The following SERPINB7 variants were observed in gnomAD, a reference collection of about 807,000 sequenced individuals.
SERPINB7 encodes the protein serpin family B member 7, also known as serpin B7.
In SERPINB7, 31 loss-of-function variants were observed where a neutral mutation model predicts 37.4. That is an observed-to-expected ratio of 0.83 (90% CI 0.62 to 1.12). The LOEUF is 1.12. Among genes scored for constraint, SERPINB7 ranks in the 50% most tolerant of loss-of-function variants. SERPINB7 has a pLI of 0.00. For missense variants in SERPINB7, 521 were observed against 455.3 expected (o/e 1.14, Z -1.31); for synonymous variants, 163 against 166.1 (o/e 0.98, Z 0.14).
At chr18:63,783,588 C>A (rs543232228) in intron 2 of SERPINB7, among the ~76,000 whole-genome samples, 31 of 152,306 alleles carry the variant, frequency 2.0e-4, no homozygotes, top group African/African-American at 7.5e-4. Flanking sequence ...TCAGGGAGTG[C>A]TTATTAACAC....
upstream of SERPINB7, among the ~76,000 whole-genome samples, chr18:63,772,152 CTT>C: frequency 6.6e-6 from 1 of 152,080 alleles, no homozygotes; most frequent in Middle Eastern, 3.4e-3. Context: ...ACAACACAAA[CTT>C]TCTGAGTCCT....
chr18:63,754,963 A>G (rs1359324484), intron 1 of SERPINB7, among the ~76,000 whole-genome samples: 2 of 134,416 alleles, frequency 1.5e-5, no homozygotes, highest in African/African-American at 5.7e-5. Flanking sequence ...GCAGTGGCGC[A>G]ATCTCGGCTC....
rs74169985 is a variant in SERPINB7, at chr18:63,756,804, T to TTGTGTGTGTGTGTG, written c.-19+3712_-19+3725dup. Among the ~76,000 whole-genome samples the TTGTGTGTGTGTGTG allele has an allele frequency of 5.5e-4, 75 of 137,346 alleles. 1 individual carries two copies. The highest frequency in any genetic ancestry group is 7.9e-4 in the South Asian group (3 of 3,802). The allele number at this position is 137,346 out of a possible 152,430, so 90.1% of individuals were successfully genotyped here. A position where few individuals can be genotyped will look rare whatever the true frequency, so the allele number is the denominator to read the frequency against. On this transcript the variant is annotated intron_variant, in intron 1 of 7. Transcript: ENST00000336429. ...GTTGTTTCCAGGGTCTTGGGGTAGC[T>TTGTGTGTGTGTGTG]TGTGTGTGTGTGTGTGTGTGTGTGT... is the stretch of plus-strand genomic sequence containing the variant.
chr18:63,765,984 C>T (rs1052132057), intron 1 of SERPINB7, among the ~76,000 whole-genome samples: 1 of 152,050 alleles, frequency 6.6e-6, no homozygotes, highest in African/African-American at 2.4e-5. Flanking sequence ...TCTGTAATAC[C>T]TTTGTTCTTT....
intron 5 of SERPINB7, among the ~76,000 whole-genome samples, chr18:63,798,359 T>A (rs1442340326): frequency 6.6e-6 from 1 of 152,098 alleles, no homozygotes; most frequent in Non-Finnish European, 1.5e-5. Context: ...CTTAGCTTCC[T>A]CAACAGGAAA....
chr18:63,804,331 A>T lies in SERPINB7; in HGVS notation c.839A>T (p.Lys280Met). The T allele has an allele frequency of 3.7e-6, 6 of 1,613,576 alleles. No individual in the cohort carries two copies. The highest frequency in any genetic ancestry group is 5.1e-6 in the Non-Finnish European group (6 of 1,179,678). ...GTTGAGGTATTTTTTCCTCAGTTCA[A>T]GATAGAGAAGAATTATGAAATGAAA... ...KYVEVFFPQF[K>M]IEKNYEMKQY... Residue 280 changes from lysine (K) to methionine (M), a missense_variant, in exon 8 of 8, where the codon AAG (lysine) becomes ATG (methionine). Transcript: ENST00000398019.
intron 1 of SERPINB7, among the ~76,000 whole-genome samples, chr18:63,763,143 G>T (rs2049163315): frequency 6.6e-6 from 1 of 152,106 alleles, no homozygotes; most frequent in South Asian, 2.1e-4. Context: ...CACCATTGCT[G>T]ATATCATATG....
intron 2 of SERPINB7, among the ~76,000 whole-genome samples, chr18:63,782,880 T>C (rs1381984006): frequency 6.6e-6 from 1 of 152,080 alleles, no homozygotes; most frequent in African/African-American, 2.4e-5. Flanking sequence ...GGCTCATGCC[T>C]GTAATCCCAG....
At chr18:63,763,254 T>G (rs996581294) in intron 1 of SERPINB7, among the ~76,000 whole-genome samples, 4 of 152,322 alleles carry the variant, frequency 2.6e-5, no homozygotes, top group African/African-American at 9.6e-5. Flanking sequence ...GTGCTTCAAC[T>G]TTCCTGCTAC....
At chr18:63,799,004 G>A (rs1465439548) in intron 6 of SERPINB7, among the ~76,000 whole-genome samples, 3 of 152,144 alleles carry the variant, frequency 2.0e-5, no homozygotes, top group Non-Finnish European at 4.4e-5. Context: ...GAAGTGGTAT[G>A]AATGTATCTT....
chr18:63,781,095 T>C lies in SERPINB7; in HGVS notation c.-18-1260T>C, dbSNP rs201042011. ...ATTTACAATTTTAAAAGGCCTTAAG[T>C]ATTTGCAACTGTGACAAAGCCAACA... On this transcript the variant is annotated intron_variant, in intron 1 of 7. Coordinates refer to ENST00000398019, the MANE Select transcript of SERPINB7 (RefSeq NM_003784.4). Among the ~76,000 whole-genome samples the C allele has an allele frequency of 5.3e-5, 8 of 152,326 alleles. No individual in the cohort carries two copies. The East Asian group carries it at 1.5e-3, about 29-fold the overall frequency.
intron 4 of SERPINB7, among the ~76,000 whole-genome samples, chr18:63,795,260 T>C (rs2144636033): frequency 6.6e-6 from 1 of 152,136 alleles, no homozygotes; most frequent in Admixed American, 6.5e-5. Flanking sequence ...ATAAACAGAC[T>C]GTTAGGAAAT....
chr18:63,787,737 T>G (rs1007401763), intron 2 of SERPINB7, among the ~76,000 whole-genome samples: 1 of 152,126 alleles, frequency 6.6e-6, no homozygotes, highest in African/African-American at 2.4e-5. Flanking sequence ...TAAGAAAAAT[T>G]TTGGCTAATG....
chr18:63,765,822 T>C (rs764066318), intron 1 of SERPINB7, among the ~76,000 whole-genome samples: 1 of 152,188 alleles, frequency 6.6e-6, no homozygotes, highest in African/African-American at 2.4e-5. Context: ...ATAGCACTTA[T>C]TATTTATAGC....
intron 2 of SERPINB7, among the ~76,000 whole-genome samples, chr18:63,782,867 G>A (rs1438796757): frequency 4.6e-5 from 7 of 152,050 alleles, no homozygotes; most frequent in Admixed American, 6.5e-5. Context: ...GGCCGGGCGC[G>A]GTGGCTCATG....
chr18:63,768,009 G>C (rs1322259223), intron 1 of SERPINB7, among the ~76,000 whole-genome samples: 1 of 152,042 alleles, frequency 6.6e-6, no homozygotes, highest in African/African-American at 2.4e-5. Flanking sequence ...GGTCTGTGAA[G>C]TCTGAAGGTC....
chr18:63,793,026 C>T (rs2049445421), intron 3 of SERPINB7, 135 bp from the exon 4 acceptor site: 1 of 440,366 alleles, frequency 2.3e-6, no homozygotes, highest in South Asian at 4.1e-5. Flanking sequence ...ATGTATGTGG[C>T]CTTGTTTGCC....
chr18:63,798,394 C>G (rs979078725), intron 5 of SERPINB7, among the ~76,000 whole-genome samples: 2 of 152,088 alleles, frequency 1.3e-5, no homozygotes, highest in African/African-American at 4.8e-5. Context: ...GTGCCTACCT[C>G]ACAGGGATTA....
chr18:63,791,242 A>C lies in SERPINB7; in HGVS notation c.169-1151A>C, dbSNP rs148927114. Among the ~76,000 whole-genome samples the C allele has an allele frequency of 3.0e-3, 456 of 152,346 alleles. 4 individuals are homozygous for C. Among genetic ancestry groups the C allele is most frequent in the African/African-American group, 0.01 (436 of 41,582 alleles). ...CACCATGGCATGTGTATACCTATGT[A>C]AAAAACCTGCACATTCTACATATGT... On this transcript the variant is annotated intron_variant, in intron 2 of 7. Transcript: ENST00000398019.
Sources: allele counts gnomAD v4.1 joint callset (sites outside exome capture counted in the v4.1 genomes callset), GRCh38; gene constraint gnomAD v4.1.1; transcripts MANE v1.5; gene names NCBI Gene and HGNC (gene_info 2026-07-23, HGNC 2026-07-21).